Variants in CCDC180 observed in about 807,000 individuals in gnomAD.
CCDC180 encodes the protein coiled-coil domain-containing protein 180.
In CCDC180, 154 loss-of-function variants were observed where a neutral mutation model predicts 209.2. That is an observed-to-expected ratio of 0.74 (90% CI 0.65 to 0.84). The LOEUF is 0.84. Among genes scored for constraint, CCDC180 ranks in the 40% least tolerant of loss-of-function variants. CCDC180 has a pLI of 0.00. For synonymous variants in CCDC180, 778 were observed against 749.1 expected, an observed-to-expected ratio of 1.04 and a Z score of -0.63; for missense variants, 1,874 against 1,997.3, an observed-to-expected ratio of 0.94 and a Z score of 1.18.
Position 97,345,530 on chromosome 9 carries a change from T to C in CCDC180, c.2499-1784T>C, listed in dbSNP as rs1239894956. The C allele has an allele frequency of 9.8e-6, 4 of 406,454 alleles. No homozygotes were observed. The Admixed American group carries it at 1.3e-4, about 13-fold the overall frequency. 25.2% of individuals were successfully genotyped at this position (406,454 alleles called of 1,614,324 possible). The stretch of plus-strand genomic sequence containing the variant: ...TTTTTGGGAAATGCCTAGCAAAATC[T>C]TTTGCCTATTATTTTTCTGGTCGAT... On this transcript the variant is annotated intron_variant, in intron 19 of 36. Transcript: ENST00000529487.
intron 31 of CCDC180, 118 bp from the exon 32 acceptor site, chr9:97,369,804 G>A (rs763276528): frequency 1.5e-5 from 17 of 1,116,324 alleles, no homozygotes; most frequent in African/African-American, 4.7e-5. Flanking sequence ...CTCTTACCAC[G>A]TTGGAGACCA....
chr9:97,336,022 G>T (rs187878646), intron 18 of CCDC180, among the ~76,000 whole-genome samples: 3,940 of 152,262 alleles, frequency 0.026, 58 homozygotes, highest in South Asian at 0.062. Context: ...TTTTAATGGG[G>T]TTGTTTGATT....
intron 18 of CCDC180, among the ~76,000 whole-genome samples, chr9:97,332,137 A>C (rs192817215): frequency 6.6e-6 from 1 of 152,294 alleles, no homozygotes; most frequent in East Asian, 1.9e-4. Flanking sequence ...ACCATTTATT[A>C]AATGGGTAGT....
At position 97,363,919 on chromosome 9, in the gene CCDC180, C is replaced by T. The variant is rs147483560; in HGVS notation, c.3903-132C>T. The T allele has an allele frequency of 2.4e-3, 1,876 of 775,580 alleles. 26 individuals carry two copies. The African/African-American group carries it at 0.029, about 12-fold the overall frequency. 48.0% of individuals were successfully genotyped at this position (775,580 alleles called of 1,614,324 possible). On this transcript the variant is annotated intron_variant, in intron 28 of 36. Coordinates refer to ENST00000529487, the MANE Select transcript of CCDC180 (RefSeq NM_020893.6). ...GGGAAACGCCCCAAAGGGCTAGGCC[C>T]TAGAAATGGAAGTCCGGTTGCCCAC...
At chr9:97,326,329 TG>T (rs1179564364) in intron 14 of CCDC180, among the ~76,000 whole-genome samples, 1 of 152,166 alleles carries the variant, frequency 6.6e-6, no homozygotes, top group African/African-American at 2.4e-5. Context: ...CCTAGGGGTA[TG>T]ATGTGGGCAG....
At chr9:97,350,073 A>G (rs1012757884) in intron 21 of CCDC180, among the ~76,000 whole-genome samples, 3 of 152,080 alleles carry the variant, frequency 2.0e-5, no homozygotes, top group Non-Finnish European at 4.4e-5. Context: ...TTTGCTACCC[A>G]GAGAAGCTGT....
chr9:97,319,078 G>C (rs1300763083), intron 10 of CCDC180, among the ~76,000 whole-genome samples: 1 of 152,258 alleles, frequency 6.6e-6, no homozygotes, highest in East Asian at 1.9e-4. Flanking sequence ...TGCCCACTGA[G>C]TGTTCTAGAT....
chr9:97,370,124 GA>G (rs1311361390), intron 32 of CCDC180, 42 bp downstream of exon 32: 6 of 1,588,056 alleles, frequency 3.8e-6, no homozygotes, highest in Non-Finnish European at 5.1e-6. Context: ...AGGACCAGGG[GA>G]ACTGGGAGTT....
chr9:97,374,392 C>A (rs1827184227), intron 34 of CCDC180, 151 bp from the exon 35 acceptor site: 1 of 616,072 alleles, frequency 1.6e-6, no homozygotes, highest in Non-Finnish European at 2.8e-6. Flanking sequence ...CTGGTGCATT[C>A]AGCTTCTCCA....
chr9:97,314,474 T>C lies in CCDC180; in HGVS notation c.541T>C (p.Phe181Leu). The C allele has an allele frequency of 6.2e-7, 1 of 1,614,160 alleles. No individual in the cohort carries two copies. Among genetic ancestry groups the C allele is most frequent in the Non-Finnish European group, 8.5e-7 (1 of 1,180,034 alleles). Residue 181 changes from phenylalanine (F) to leucine (L), a missense_variant, in exon 6 of 37, where the codon TTC (phenylalanine) becomes CTC (leucine). Coordinates refer to ENST00000529487, the MANE Select transcript of CCDC180 (RefSeq NM_020893.6). ...GTCTGATGAAGAAATGAACCGTCTCTTCCTAAAGGTGGAAAATGACACCAA... is the reference window on the plus strand; with the variant it reads ...GTCTGATGAAGAAATGAACCGTCTCCTCCTAAAGGTGGAAAATGACACCAA... ...TESDEEMNRL[F>L]LKVENDTNLE...
chr9:97,350,705 A>C, intron 22 of CCDC180, 150 bp downstream of exon 22: 1 of 838,478 alleles, frequency 1.2e-6, no homozygotes, highest in Non-Finnish European at 1.8e-6. Flanking sequence ...GATCAGTGGC[A>C]TTAAGGATAT....
chr9:97,309,495 A>C lies in CCDC180; in HGVS notation c.151A>C (p.Met51Leu), dbSNP rs1039015969. The C allele has an allele frequency of 5.6e-6, 9 of 1,608,054 alleles. No individual in the cohort carries two copies. The highest frequency in any genetic ancestry group is 7.6e-6 in the Non-Finnish European group (9 of 1,177,426). ...SVTLKSGRIP[M>L]MKKVETPEGE... The stretch of plus-strand genomic sequence containing the variant: ...GACCCTGAAGAGTGGCAGGATACCC[A>C]TGATGAAGAAGGTGGAGACTCCTGA... Residue 51 changes from methionine (M) to leucine (L), a missense_variant, in exon 3 of 37, where the codon ATG becomes CTG. Physicochemically the swap from Met to Leu is conservative, Grantham distance 15 (BLOSUM62 2). Transcript: ENST00000529487.
intron 18 of CCDC180, among the ~76,000 whole-genome samples, chr9:97,340,517 C>A (rs1204543312): frequency 6.6e-6 from 1 of 152,298 alleles, no homozygotes; most frequent in East Asian, 1.9e-4. Context: ...TAGTTTGTAG[C>A]AATTACTCTT....
chr9:97,314,797 C>T (rs2118555331), intron 7 of CCDC180, 54 bp from the exon 8 acceptor site: 1 of 1,599,638 alleles, frequency 6.3e-7, no homozygotes, highest in Non-Finnish European at 8.6e-7. Flanking sequence ...CCTTCTGTTT[C>T]CTTTTAGTTC....
intron 2 of CCDC180, among the ~76,000 whole-genome samples, chr9:97,308,779 C>T (rs1832886147): frequency 6.6e-6 from 1 of 152,138 alleles, no homozygotes; most frequent in African/African-American, 2.4e-5. Flanking sequence ...ATCTGTAAAA[C>T]CTCTGGAAAT....
chr9:97,337,251 A>G (rs1190863750), intron 18 of CCDC180, among the ~76,000 whole-genome samples: 1 of 152,186 alleles, frequency 6.6e-6, no homozygotes, highest in Non-Finnish European at 1.5e-5. Flanking sequence ...CAGTTTTCAA[A>G]GGGAATGCTT....
intron 18 of CCDC180, among the ~76,000 whole-genome samples, chr9:97,340,720 G>A (rs1183061788): frequency 6.6e-6 from 1 of 152,230 alleles, no homozygotes; most frequent in African/African-American, 2.4e-5. Context: ...GAAGACGCCT[G>A]TTGCCAGGCG....
chr9:97,366,382 C>T lies in CCDC180; in HGVS notation c.4048-177C>T, dbSNP rs1826919896. On this transcript the variant is annotated intron_variant, in intron 30 of 36. Transcript: ENST00000529487. The surrounding 1 kb of genome is among the most constrained non-coding windows in gnomAD (Gnocchi z 4.3). ...ATGGCTCCACTCACTCCAGGTGGGC[C>T]CAGGGAGGCGACACGGGCAGACAGG... is the stretch of plus-strand genomic sequence containing the variant. Among the ~76,000 whole-genome samples, 1 of 152,148 alleles carries T rather than the reference C, an allele frequency of 6.6e-6. No homozygotes were observed.
intron 1 of CCDC180, 62 bp from the exon 2 acceptor site, chr9:97,307,921 G>GC: frequency 1.3e-6 from 2 of 1,580,792 alleles, no homozygotes; most frequent in Admixed American, 3.5e-5. Context: ...CCGCCTCGAG[G>GC]CCAGACGTCG....
Sources: gnomAD v4.1 joint callset for allele counts (sites outside exome capture counted in the v4.1 genomes callset) on GRCh38, gnomAD v4.1.1 for gene constraint, Gnocchi (gnomAD v3.1) non-coding constraint, MANE v1.5 for transcripts, NCBI Gene and HGNC (gene_info 2026-07-23, HGNC 2026-07-21) for gene names.